Variants in CEP83 observed in about 807,000 individuals in gnomAD.
CEP83 encodes the protein centrosomal protein 83.
A neutral mutation model predicts 101.9 loss-of-function variants in CEP83; 70 were observed. That is an observed-to-expected ratio of 0.69 (90% CI 0.57 to 0.84). CEP83 has a LOEUF of 0.84. CEP83 is among the 40% of genes least tolerant of loss of function. CEP83 has a pLI of 0.00. For missense variants in CEP83, 715 were observed against 787.2 expected, an observed-to-expected ratio of 0.91 and a Z score of 1.10; for synonymous variants, 264 against 267.9, an observed-to-expected ratio of 0.99 and a Z score of 0.14.
intron 6 of CEP83, among the ~76,000 whole-genome samples, chr12:94,384,550 T>A (rs191570125): frequency 7.8e-4 from 119 of 152,294 alleles, no homozygotes; most frequent in African/African-American, 2.6e-3. Flanking sequence ...TTTGTTATAG[T>A]CCTACAGGAT....
chr12:94,302,964 G>A (rs1968617799), downstream of CEP83, among the ~76,000 whole-genome samples: 1 of 152,132 alleles, frequency 6.6e-6, no homozygotes, highest in African/African-American at 2.4e-5. Context: ...TAATATCTCA[G>A]TCTCTAGGCA....
At chr12:94,302,677 G>C (rs1968582549), downstream of CEP83, among the ~76,000 whole-genome samples, 1 of 152,132 alleles carries the variant, frequency 6.6e-6, no homozygotes. Flanking sequence ...GTTCTGGGAG[G>C]TTACAAGTCT....
chr12:94,316,011 G>C (rs1565897140), intron 14 of CEP83, among the ~76,000 whole-genome samples: 1 of 152,072 alleles, frequency 6.6e-6, no homozygotes, highest in Non-Finnish European at 1.5e-5. Flanking sequence ...ATGAATTTTA[G>C]AATCTACTTT....
In CEP83 at chr12:94,368,125, T is replaced by C. The variant is rs1415092455; in HGVS notation, c.1125A>G (p.Glu375=). ...TGGCAGCTTGTACTTTACGTATTAA[T>C]TCACGATCCTTTTCTACTAAGAGCA... ...HKVLLVEKDR[E]LIRKVQAAKE... is the part of the protein sequence containing the mutation. The change falls in exon 10 of 17, where the codon GAA becomes GAG. Residue 375 remains glutamate (E), a synonymous_variant. Transcript: ENST00000397809. 11 of 1,613,140 alleles carry C rather than the reference T, an allele frequency of 6.8e-6. No homozygotes were observed. Among genetic ancestry groups the C allele is most frequent in the Non-Finnish European group, 9.3e-6 (11 of 1,179,426 alleles).
chr12:94,400,121 G>A (rs1031613895), intron 6 of CEP83, among the ~76,000 whole-genome samples: 1 of 152,152 alleles, frequency 6.6e-6, no homozygotes, highest in Non-Finnish European at 1.5e-5. Flanking sequence ...AGATATGTTT[G>A]TAAACAGAAT....
rs760344727 is a variant in CEP83 at position 94,312,903 on chromosome 12, A to G, written c.1811+11T>C. The G allele has an allele frequency of 6.9e-7, 1 of 1,441,344 alleles. No individual in the cohort carries two copies. The highest frequency in any genetic ancestry group is 1.2e-5 in the South Asian group (1 of 82,794). 89.3% of individuals were successfully genotyped at this position (1,441,344 alleles called of 1,614,324 possible). A position where few individuals can be genotyped will look rare whatever the true frequency, so the allele number is the denominator to read the frequency against. On this transcript the variant is annotated intron_variant, in intron 15 of 16. Coordinates refer to ENST00000397809, the MANE Select transcript of CEP83 (RefSeq NM_016122.3). ...AACCACATGGGGAAGATACACATAC[A>G]AACACATTACCTATTTAAGACCTGA...
chr12:94,406,228 T>C (rs2063524454), intron 4 of CEP83, among the ~76,000 whole-genome samples: 3 of 151,826 alleles, frequency 2.0e-5, no homozygotes, highest in Non-Finnish European at 4.4e-5. Flanking sequence ...CTCAAGAACA[T>C]GTATCAGAAT....
chr12:94,270,898 A>C, the CEP83 span, among the ~76,000 whole-genome samples: 1 of 152,110 alleles, frequency 6.6e-6, no homozygotes, highest in Non-Finnish European at 1.5e-5. Context: ...AAAGGGGAGC[A>C]GAGTGAAGAG....
chr12:94,365,246 A>G (rs2060964785), intron 11 of CEP83, among the ~76,000 whole-genome samples: 2 of 152,254 alleles, frequency 1.3e-5, no homozygotes, highest in South Asian at 4.1e-4. Context: ...ATGGCCCTTA[A>G]ACACATGGAA....
At chr12:94,368,834 A>G (rs2061151466) in intron 9 of CEP83, 1 of 152,234 alleles carries the variant, frequency 6.6e-6, no homozygotes, top group African/African-American at 2.4e-5. Context: ...TCCATGAGTC[A>G]ATAAATAGAA....
At position 94,448,354 on chromosome 12, in the gene CEP83, C is replaced by T. The variant is rs147460107; in HGVS notation, c.-155+11203G>A. Among the ~76,000 whole-genome samples, 134 of 152,176 alleles carry T rather than the reference C, an allele frequency of 8.8e-4. 1 individual carries two copies. The highest frequency in any genetic ancestry group is 3.9e-3 in the East Asian group (20 of 5,186). On this transcript the variant is annotated intron_variant, in intron 1 of 16. Coordinates refer to ENST00000397809, the MANE Select transcript of CEP83 (RefSeq NM_016122.3). ...AGAGAAATAGGTAATTCAACAGAAA[C>T]AGCTGAAGACTGCAATGACTGATAG...
At chr12:94,296,082 G>A in the CEP83 span, among the ~76,000 whole-genome samples, 1 of 152,118 alleles carries the variant, frequency 6.6e-6, no homozygotes, top group Non-Finnish European at 1.5e-5. Flanking sequence ...TACACCACCA[G>A]TAATCTCTTT....
intron 11 of CEP83, among the ~76,000 whole-genome samples, chr12:94,347,050 A>ATATAT (rs2059965928): frequency 1.5e-5 from 2 of 132,024 alleles, no homozygotes; most frequent in African/African-American, 2.8e-5. Flanking sequence ...AAAATAAACA[A>ATATAT]ATATATATAT....
At chr12:94,300,876 C>T in the CEP83 span, 1 of 1,589,496 alleles carries the variant, frequency 6.3e-7, no homozygotes, top group Non-Finnish European at 8.6e-7. Flanking sequence ...ATGAATGGCC[C>T]TATTTGAAAA....
chr12:94,369,256 C>T (rs2061174318), intron 9 of CEP83: 1 of 152,178 alleles, frequency 6.6e-6, no homozygotes, highest in African/African-American at 2.4e-5. Flanking sequence ...AGATCAAGAC[C>T]ATCCTGGCTA....
chr12:94,430,548 G>C (rs2065542750), intron 2 of CEP83, among the ~76,000 whole-genome samples: 1 of 151,822 alleles, frequency 6.6e-6, no homozygotes, highest in Non-Finnish European at 1.5e-5. Context: ...CCTGAAGATA[G>C]GTCTTTCAAA....
intron 4 of CEP83, among the ~76,000 whole-genome samples, chr12:94,404,189 C>A (rs1393867177): frequency 2.0e-5 from 3 of 152,102 alleles, no homozygotes; most frequent in Admixed American, 6.5e-5. Context: ...AAGCACATAT[C>A]TCCCCATAAA....
chr12:94,408,166 A>G (rs12368829), intron 4 of CEP83: 2,525 of 152,346 alleles, frequency 0.017, 35 homozygotes, highest in Non-Finnish European at 0.027. Context: ...CCAAAGAAAC[A>G]TAAGAATGCT....
rs145906795 is a variant in CEP83 at position 94,365,077 on chromosome 12, A to C, written c.1343+2717T>G. ...CAAAATCAAAGGACTGCTGACACACACTGGCAGAAAATATCTGCAGCATAA... is the reference window on the plus strand; with the variant it reads ...CAAAATCAAAGGACTGCTGACACACCCTGGCAGAAAATATCTGCAGCATAA... On this transcript the variant is annotated intron_variant, in intron 11 of 16. Coordinates refer to ENST00000397809, the MANE Select transcript of CEP83 (RefSeq NM_016122.3). Among the ~76,000 whole-genome samples, 139 of 152,300 alleles carry C rather than the reference A, an allele frequency of 9.1e-4. 1 individual carries two copies. The highest frequency in any genetic ancestry group is 5.0e-3 in the East Asian group (26 of 5,190).
Sources: gnomAD v4.1 joint callset for allele counts (sites outside exome capture counted in the v4.1 genomes callset) on GRCh38, gnomAD v4.1.1 for gene constraint, MANE v1.5 for transcripts, NCBI Gene and HGNC (gene_info 2026-07-23, HGNC 2026-07-21) for gene names.